Variants in FHAD1 observed in about 807,000 individuals in gnomAD.
FHAD1 encodes the protein forkhead-associated domain-containing protein 1.
FHAD1 carries 146 observed loss-of-function variants against 191.3 expected under a neutral mutation model. The ratio of observed to expected loss-of-function variants is 0.76; its 90% confidence interval spans 0.67 to 0.88. The LOEUF is 0.88. Ranked by LOEUF, FHAD1 falls within the 40% of genes least tolerant of loss-of-function variation. The pLI is 0.00. For missense variants in FHAD1, 1,635 were observed against 1,785.8 expected (o/e 0.92, Z 1.52); for synonymous variants, 616 against 672.3 (o/e 0.92, Z 1.29).
Position 15,318,245 on chromosome 1 carries a change from T to C in FHAD1, c.1365+317T>C, listed in dbSNP as rs1049894561. Among the ~76,000 whole-genome samples the C allele has an allele frequency of 2.6e-5, 4 of 152,228 alleles. No individual in the cohort carries two copies. Among genetic ancestry groups the C allele is most frequent in the African/African-American group, 9.6e-5 (4 of 41,466 alleles). ...CAGTTTTGAGTTTCGTGTTGCTTAA[T>C]TATTTTAATGTCCCTTCCCATCATG... On this transcript the variant is annotated intron_variant, in intron 10 of 33. Transcript: ENST00000688493. The surrounding 1 kb of genome is among the most constrained non-coding windows in gnomAD (Gnocchi z 4.1).
At position 15,397,314 on chromosome 1, in the gene FHAD1, CT is replaced by C; in HGVS notation, c.4342del (p.Ser1448ProfsTer2). On this transcript the variant is annotated frameshift_variant, in exon 34 of 34. Transcript: ENST00000688493. LOFTEE classifies it low-confidence loss of function (END_TRUNC). ...TGTTAAAGGTTGGAACCAGAAAAGCCTCCCTAAAGATGGACCAAGAAAGAGA... is the reference window on the plus strand; with the variant it reads ...TGTTAAAGGTTGGAACCAGAAAAGCCCCCTAAAGATGGACCAAGAAAGAGA... ...SNSQVGTRKA[S>X]LKMDQEREML... 1 of 1,529,402 alleles carries C rather than the reference CT, an allele frequency of 6.5e-7. No individual in the cohort carries two copies. The highest frequency in any genetic ancestry group is 8.8e-7 in the Non-Finnish European group (1 of 1,133,278). The allele number at this position is 1,529,402 out of a possible 1,614,324, so 94.7% of individuals were successfully genotyped here. A position where few individuals can be genotyped will look rare whatever the true frequency, so the allele number is the denominator to read the frequency against.
chr1:15,238,413 A>G (rs1645015018), intron 1 of FHAD1, among the ~76,000 whole-genome samples: 1 of 152,300 alleles, frequency 6.6e-6, no homozygotes, highest in East Asian at 1.9e-4. Context: ...CAGCTTTCTC[A>G]AAAGGTAGGA....
rs146004391 is a variant in FHAD1 at position 15,316,585 on chromosome 1, T to C, written c.1260+118T>C. On this transcript the variant is annotated intron_variant, in intron 9 of 33. Transcript: ENST00000688493. This position sits in a 1 kb window ranked among gnomAD's most constrained non-coding sequence, Gnocchi z 4.3. ...GAAGCTCTGGGGCTCTGTGCTTGCT[T>C]GTTTAACATAGTCTCATTGCTCTTT... is the stretch of plus-strand genomic sequence containing the variant. The C allele has an allele frequency of 2.4e-6, 2 of 834,638 alleles. No individual in the cohort carries two copies. The highest frequency in any genetic ancestry group is 3.8e-6 in the Non-Finnish European group (2 of 525,378). The allele number at this position is 834,638 out of a possible 1,614,324, so 51.7% of individuals were successfully genotyped here. A position where few individuals can be genotyped will look rare whatever the true frequency, so the allele number is the denominator to read the frequency against.
At position 15,242,005 on chromosome 1, in the gene FHAD1, C is replaced by T. The variant is rs56391937; in HGVS notation, c.-15+5244C>T. Among the ~76,000 whole-genome samples, 649 of 152,226 alleles carry T rather than the reference C, an allele frequency of 4.3e-3. 7 individuals are homozygous for T. The highest frequency in any genetic ancestry group is 0.015 in the African/African-American group (611 of 41,528). On this transcript the variant is annotated intron_variant, in intron 1 of 33. Coordinates refer to the FHAD1 transcript ENST00000683790. ...ATCCCAGCACTCTGGGAAGCTGAGG[C>T]GGGTGGATCACGAGGTCAGGAGATC...
intron 31 of FHAD1, among the ~76,000 whole-genome samples, chr1:15,382,620 A>T (rs780156556): frequency 7.9e-5 from 12 of 152,162 alleles, no homozygotes; most frequent in Non-Finnish European, 1.8e-4. Context: ...GGAAGAATAG[A>T]TGGACTGAGG....
upstream of FHAD1, among the ~76,000 whole-genome samples, chr1:15,242,481 AG>A (rs1645503779): frequency 6.6e-6 from 1 of 152,180 alleles, no homozygotes; most frequent in South Asian, 2.1e-4. Flanking sequence ...ACATTCATAA[AG>A]GTTCACTGTC....
At chr1:15,352,847 G>C in intron 19 of FHAD1, 30 bp from the exon 20 acceptor site, 1 of 1,473,582 alleles carries the variant, frequency 6.8e-7, no homozygotes, top group Admixed American at 2.0e-5. Flanking sequence ...TGAGGGCACA[G>C]GCCCTCAAAC....
intron 28 of FHAD1, among the ~76,000 whole-genome samples, chr1:15,378,160 C>T (rs1334018286): frequency 1.3e-5 from 2 of 152,324 alleles, no homozygotes; most frequent in East Asian, 3.9e-4. Flanking sequence ...AAAACTTAGC[C>T]AGGCATGGTG....
intron 2 of FHAD1, among the ~76,000 whole-genome samples, chr1:15,254,530 C>G (rs953872419): frequency 6.6e-6 from 1 of 152,002 alleles, no homozygotes; most frequent in African/African-American, 2.4e-5. Context: ...TCCACTGATA[C>G]TAACAAGCTA....
In FHAD1 at chr1:15,351,775, G is replaced by A. The variant is rs907059945; in HGVS notation, c.2455-1102G>A. 3.4e-5 allele frequency among the ~76,000 whole-genome samples: 5 copies of A among 147,490 alleles called. No individual in the cohort carries two copies. In the East Asian group the frequency reaches 1.1e-3, roughly 31 times the overall value. On this transcript the variant is annotated intron_variant, in intron 19 of 33. Coordinates refer to ENST00000688493, the MANE Select transcript of FHAD1 (RefSeq NM_001391957.1). ...CAGGGCACAGATTGGACCATCTTAA[G>A]CAAAGACTCAACAGTGAGAAAAAGC...
intron 2 of FHAD1, among the ~76,000 whole-genome samples, chr1:15,255,576 G>A (rs188168749): frequency 6.6e-6 from 1 of 152,302 alleles, no homozygotes; most frequent in Admixed American, 6.5e-5. Flanking sequence ...GCCCCAGCAC[G>A]GAGACAAGCC....
At chr1:15,390,218 C>T (rs528238607) in intron 32 of FHAD1, among the ~76,000 whole-genome samples, 5 of 151,866 alleles carry the variant, frequency 3.3e-5, no homozygotes, top group South Asian at 4.2e-4. Context: ...TGGTGGCAGG[C>T]GCCTGTAATC....
intron 4 of FHAD1, among the ~76,000 whole-genome samples, chr1:15,292,329 T>TG (rs897410269): frequency 1.4e-4 from 20 of 147,898 alleles, no homozygotes; most frequent in African/African-American, 4.5e-4. Flanking sequence ...TGTGGGGTTT[T>TG]TTTTGTTTTG....
At chr1:15,323,772 C>T (rs917301066) in intron 10 of FHAD1, among the ~76,000 whole-genome samples, 1 of 152,162 alleles carries the variant, frequency 6.6e-6, no homozygotes, top group Non-Finnish European at 1.5e-5. Context: ...GCCCATTACT[C>T]GAGCAAGCGG....
At chr1:15,301,117 A>G (rs1415617183) in intron 5 of FHAD1, 88 bp from the exon 6 acceptor site, 8 of 1,183,032 alleles carry the variant, frequency 6.8e-6, no homozygotes, top group Non-Finnish European at 9.5e-6. Flanking sequence ...GGCGTGAGCC[A>G]CCGCACCCGG....
At position 15,310,928 on chromosome 1, in the gene FHAD1, A is replaced by G. The variant is rs562681849; in HGVS notation, c.1040-2129A>G. Among the ~76,000 whole-genome samples, 4 of 152,318 alleles carry G rather than the reference A, an allele frequency of 2.6e-5. No homozygotes were observed. In the East Asian group the frequency reaches 7.7e-4, roughly 29 times the overall value. On this transcript the variant is annotated intron_variant, in intron 7 of 33. Coordinates refer to ENST00000688493, the MANE Select transcript of FHAD1 (RefSeq NM_001391957.1). ...CACAGGAAGAGAGGCAGATGGAGGA[A>G]CAAGGTGCGGATTTCCTCACCTGCC... is the stretch of plus-strand genomic sequence containing the variant.
chr1:15,295,485 G>A (rs1381069928), intron 4 of FHAD1, among the ~76,000 whole-genome samples: 1 of 152,102 alleles, frequency 6.6e-6, no homozygotes, highest in Non-Finnish European at 1.5e-5. Flanking sequence ...GCATGCACCT[G>A]TAGTCACAAC....
chr1:15,290,675 C>T (rs1163322432), intron 4 of FHAD1, among the ~76,000 whole-genome samples: 1 of 151,640 alleles, frequency 6.6e-6, no homozygotes, highest in Admixed American at 6.6e-5. Flanking sequence ...GCCATTTTCC[C>T]CCAACATTTT....
Position 15,380,752 on chromosome 1 carries a change from G to A in FHAD1, c.3757G>A (p.Gly1253Arg). 6.4e-7 allele frequency: 1 copy of A among 1,551,748 alleles called. No individual in the cohort carries two copies. The highest frequency in any genetic ancestry group is 8.7e-7 in the Non-Finnish European group (1 of 1,147,018). ...GTTCGGCTCAGCCATGGAGAAGTCA[G>A]GGAAGATGGATGTGGCTGAGGCTTT... ...ARFGSAMEKS[G>R]KMDVAEALEL... Residue 1253 changes from glycine (G) to arginine (R), a missense_variant, in exon 29 of 34, where the codon GGG becomes AGG. Gly to Arg is a moderately radical substitution (Grantham distance 125). Coordinates refer to ENST00000688493, the MANE Select transcript of FHAD1 (RefSeq NM_001391957.1).
Sources: allele counts gnomAD v4.1 joint callset (sites outside exome capture counted in the v4.1 genomes callset), GRCh38; gene constraint gnomAD v4.1.1; non-coding constraint Gnocchi (gnomAD v3.1); transcripts MANE v1.5; gene names NCBI Gene and HGNC (gene_info 2026-07-23, HGNC 2026-07-21).